Variants in IDH2 observed in about 807,000 individuals in gnomAD.
IDH2 encodes the protein isocitrate dehydrogenase (NADP(+)) 2, also known as isocitrate dehydrogenase [NADP], mitochondrial.
A neutral mutation model predicts 50.5 loss-of-function variants in IDH2; 18 were observed. That is an observed-to-expected ratio of 0.36 (90% CI 0.25 to 0.53). The LOEUF (loss-of-function observed/expected upper bound fraction) is 0.53. Ranked by LOEUF, IDH2 falls within the 20% of genes least tolerant of loss-of-function variation. IDH2 has a pLI of 0.92. For missense variants in IDH2, 518 were observed against 610.7 expected (o/e 0.85, Z 1.60); for synonymous variants, 280 against 239.8 (o/e 1.17, Z -1.55).
rs951275836 is a variant in IDH2 at position 90,087,244 on chromosome 15, C to G, written c.835G>C (p.Asp279His). The G allele has an allele frequency of 2.5e-6, 4 of 1,613,976 alleles. No homozygotes were observed. The highest frequency in any genetic ancestry group is 1.7e-5 in the Admixed American group (1 of 59,988). The change falls in exon 7 of 11, where the codon GAC becomes CAC. Residue 279 changes from aspartate to histidine, a missense_variant. Physicochemically the swap from Asp to His is moderately conservative, Grantham distance 81. Coordinates refer to ENST00000330062, the MANE Select transcript of IDH2 (RefSeq NM_002168.4). ...TGCTCATACCAGATCTTATTCTTGT[C>G]GAAGTCGGTCTTATAGTGCCTGGGA... ...IFDKHYKTDF[D>H]KNKIWYEHRL... is the part of the protein sequence containing the mutation.
chr15:90,097,570 A>C (rs1901214083), intron 1 of IDH2, among the ~76,000 whole-genome samples: 1 of 152,244 alleles, frequency 6.6e-6, no homozygotes, highest in South Asian at 2.1e-4. Flanking sequence ...AACCAGTCAC[A>C]AAAGACAAAT....
intron 1 of IDH2, among the ~76,000 whole-genome samples, chr15:90,095,447 T>C (rs1363748189): frequency 6.7e-6 from 1 of 150,176 alleles, no homozygotes; most frequent in Non-Finnish European, 1.5e-5. Context: ...TATGAGTTAA[T>C]TTGAGGACAG....
intron 1 of IDH2, among the ~76,000 whole-genome samples, chr15:90,093,989 A>G (rs986304478): frequency 6.6e-6 from 1 of 152,184 alleles, no homozygotes; most frequent in Non-Finnish European, 1.5e-5. Flanking sequence ...AAGGTTACAG[A>G]GCTTGAAAAC....
chr15:90,090,613 T>C lies in IDH2; in HGVS notation c.239A>G (p.Lys80Arg). The change falls in exon 3 of 11, where the codon AAG becomes AGG. Residue 80 changes from lysine to arginine, a missense_variant. This residue lies in a region of IDH2 where 68 missense variants were observed against 109.7 expected (regional missense o/e 0.62). Coordinates refer to ENST00000330062, the MANE Select transcript of IDH2 (RefSeq NM_002168.4). ...GTTTGGGAGCCCGAGGTCAAAATACTTTAGCTGGATGTCCACGTGGGGCAG... is the reference window on the plus strand; with the variant it reads ...GTTTGGGAGCCCGAGGTCAAAATACCTTAGCTGGATGTCCACGTGGGGCAG... ...LILPHVDIQLKYFDLGLPNRD... is the reference protein window; with the variant it reads ...LILPHVDIQLRYFDLGLPNRD... The C allele has an allele frequency of 6.2e-7, 1 of 1,614,208 alleles. No homozygotes were observed. Among genetic ancestry groups the C allele is most frequent in the Non-Finnish European group, 8.5e-7 (1 of 1,180,034 alleles).
In IDH2 at chr15:90,100,736, T is replaced by A. The variant is rs2151557010; in HGVS notation, c.115+1540A>T. On this transcript the variant is annotated intron_variant, in intron 1 of 10. Transcript: ENST00000330062. The surrounding 1 kb of genome is among the most constrained non-coding windows in gnomAD (Gnocchi z 4.1). ...GCCAAGTATTCTGTCTCCAGCTGCGTTGCCAGGTAACAAGCTGGCAGAGTC... is the reference window on the plus strand; with the variant it reads ...GCCAAGTATTCTGTCTCCAGCTGCGATGCCAGGTAACAAGCTGGCAGAGTC... The A allele has an allele frequency of 1.3e-6, 1 of 788,190 alleles. No individual in the cohort carries two copies. Among genetic ancestry groups the A allele is most frequent in the East Asian group, 1.3e-4 (1 of 7,918 alleles). The allele number at this position is 788,190 out of a possible 1,614,324, so 48.8% of individuals were successfully genotyped here. A position where few individuals can be genotyped will look rare whatever the true frequency, so the allele number is the denominator to read the frequency against.
chr15:90,094,687 C>G (rs1391240753), intron 1 of IDH2, among the ~76,000 whole-genome samples: 1 of 152,198 alleles, frequency 6.6e-6, no homozygotes, highest in Non-Finnish European at 1.5e-5. Context: ...AGGTGGATCA[C>G]TCAAGGTAAG....
rs1437160270 is a variant in IDH2, at chr15:90,085,203, C to T, written c.1080+72G>A. 1 of 1,525,004 alleles carries T rather than the reference C, an allele frequency of 6.6e-7. No individual in the cohort carries two copies. The allele number at this position is 1,525,004 out of a possible 1,614,324, so 94.5% of individuals were successfully genotyped here. A position where few individuals can be genotyped will look rare whatever the true frequency, so the allele number is the denominator to read the frequency against. On this transcript the variant is annotated intron_variant, in intron 8 of 10. Transcript: ENST00000330062. This position sits in a 1 kb window ranked among gnomAD's most constrained non-coding sequence, Gnocchi z 5.5. ...GGCTGGTGGGTCAGGCTCGTCCTTC[C>T]AGCCCTCAGCCCAGTGGGCTTTAGG... is the stretch of plus-strand genomic sequence containing the variant.
intron 7 of IDH2, among the ~76,000 whole-genome samples, chr15:90,086,701 G>T (rs1424231799): frequency 1.3e-5 from 2 of 152,090 alleles, no homozygotes; most frequent in African/African-American, 4.8e-5. Flanking sequence ...AGGGCTTGGG[G>T]GTTTGCAGGC....
chr15:90,090,737 G>T, intron 2 of IDH2, 93 bp from the exon 3 acceptor site: 1 of 1,341,952 alleles, frequency 7.5e-7, no homozygotes, highest in Non-Finnish European at 1.1e-6. Flanking sequence ...CCATGGCAGG[G>T]GACAGTCAGT....
intron 1 of IDH2, among the ~76,000 whole-genome samples, chr15:90,099,358 G>C (rs561858389): frequency 3.9e-5 from 6 of 152,192 alleles, no homozygotes; most frequent in African/African-American, 1.4e-4. Flanking sequence ...ACCGAAAATG[G>C]CCTGCTTCCT....
chr15:90,087,641 C>T, intron 5 of IDH2, 66 bp from the exon 6 acceptor site: 1 of 1,597,840 alleles, frequency 6.3e-7, no homozygotes, highest in East Asian at 2.2e-5. Context: ...AACCTCCCAC[C>T]TCCCAGGGCA....
In IDH2 at chr15:90,087,677, C is replaced by T. The variant is rs1406652285; in HGVS notation, c.679-102G>A. 2.2e-6 allele frequency: 3 copies of T among 1,382,614 alleles called. No homozygotes were observed. In the African/African-American group the frequency reaches 4.3e-5, roughly 20 times the overall value. 85.6% of individuals were successfully genotyped at this position (1,382,614 alleles called of 1,614,324 possible). A position where few individuals can be genotyped will look rare whatever the true frequency, so the allele number is the denominator to read the frequency against. ...AGGCCCAGCTCTCCAGGAACGGTAC[C>T]CCGCCGCCCACGCGACTGTTTAACA... On this transcript the variant is annotated intron_variant, in intron 5 of 10. Coordinates refer to ENST00000330062, the MANE Select transcript of IDH2 (RefSeq NM_002168.4).
At chr15:90,089,010 G>A (rs1195335837) in intron 3 of IDH2, among the ~76,000 whole-genome samples, 1 of 150,992 alleles carries the variant, frequency 6.6e-6, no homozygotes, top group African/African-American at 2.4e-5. Context: ...TGCCTCCTGG[G>A]TTCAAGCGGT....
At chr15:90,087,872 G>C (rs1430414613) in intron 5 of IDH2, among the ~76,000 whole-genome samples, 1 of 149,772 alleles carries the variant, frequency 6.7e-6, no homozygotes, top group Non-Finnish European at 1.5e-5. Context: ...CATGTGGCTG[G>C]GGCAGGGCTA....
At chr15:90,087,021 TAG>T (rs1166067441) in intron 7 of IDH2, 89 bp downstream of exon 7, 11 of 1,420,998 alleles carry the variant, frequency 7.7e-6, no homozygotes, top group East Asian at 6.8e-5. Context: ...CCTGCTCCAC[TAG>T]AGTTTTCTAC....
At chr15:90,090,711 A>C in intron 2 of IDH2, 67 bp from the exon 3 acceptor site, 1 of 1,534,224 alleles carries the variant, frequency 6.5e-7, no homozygotes, top group Non-Finnish European at 9.0e-7. Flanking sequence ...AAAGGGCAGG[A>C]TAAGAAGTCT....
At chr15:90,093,912 G>C (rs551802536) in intron 1 of IDH2, among the ~76,000 whole-genome samples, 1 of 148,068 alleles carries the variant, frequency 6.8e-6, no homozygotes, top group African/African-American at 2.4e-5. Flanking sequence ...GAGCCACCAC[G>C]CCTGGCCATT....
rs758248040 is a variant in IDH2, at chr15:90,100,612, G to A, written c.115+1664C>T. The A allele has an allele frequency of 1.5e-4, 144 of 985,156 alleles. No individual in the cohort carries two copies. Among genetic ancestry groups the A allele is most frequent in the Non-Finnish European group, 1.6e-4 (131 of 829,798 alleles). The allele number at this position is 985,156 out of a possible 1,614,324, so 61.0% of individuals were successfully genotyped here. A position where few individuals can be genotyped will look rare whatever the true frequency, so the allele number is the denominator to read the frequency against. ...CCAGCAGTCGCTGGAAGCCTATGGCGTTGCAAAATAGGAAAAGATGCGTGC... is the reference window on the plus strand; with the variant it reads ...CCAGCAGTCGCTGGAAGCCTATGGCATTGCAAAATAGGAAAAGATGCGTGC... On this transcript the variant is annotated intron_variant, in intron 1 of 10. Coordinates refer to ENST00000330062, the MANE Select transcript of IDH2 (RefSeq NM_002168.4). This position sits in a 1 kb window ranked among gnomAD's most constrained non-coding sequence, Gnocchi z 4.1.
intron 3 of IDH2, among the ~76,000 whole-genome samples, chr15:90,089,137 C>A (rs570275464): frequency 4.1e-4 from 63 of 151,984 alleles, no homozygotes; most frequent in African/African-American, 1.4e-3. Flanking sequence ...TGGTCTCGAC[C>A]TCCCAACCTC....
Sources: allele counts gnomAD v4.1 joint callset (sites outside exome capture counted in the v4.1 genomes callset), GRCh38; gene constraint gnomAD v4.1.1; regional missense constraint gnomAD v4.1.1; non-coding constraint Gnocchi (gnomAD v3.1); transcripts MANE v1.5; gene names NCBI Gene and HGNC (gene_info 2026-07-23, HGNC 2026-07-21).